The following CHN1 variants were observed in gnomAD, a reference collection of about 807,000 sequenced individuals.
CHN1 encodes chimerin 1.
In CHN1, 37 loss-of-function variants were observed where a neutral mutation model predicts 59.5. That is an observed-to-expected ratio of 0.62 (90% CI 0.48 to 0.82). The LOEUF is 0.82. Ranked by LOEUF, CHN1 falls within the 40% of genes least tolerant of loss-of-function variation. The pLI is 0.00. For synonymous variants in CHN1, 206 were observed against 200.4 expected (o/e 1.03, Z -0.24); for missense variants, 469 against 571.0 (o/e 0.82, Z 1.82).
chr2:174,861,438 T>C (rs1040481482), intron 6 of CHN1, among the ~76,000 whole-genome samples: 2 of 152,228 alleles, frequency 1.3e-5, no homozygotes, highest in African/African-American at 4.8e-5. Context: ...GCAAAATTCA[T>C]GGCACATTCG....
chr2:174,905,175 T>C (rs1219797737), intron 5 of CHN1, among the ~76,000 whole-genome samples: 1 of 152,198 alleles, frequency 6.6e-6, no homozygotes, highest in African/African-American at 2.4e-5. Context: ...ATTATCAACA[T>C]AGGCTAGGAC....
chr2:174,977,495 A>G (rs1372998946), intron 1 of CHN1, among the ~76,000 whole-genome samples: 3 of 152,246 alleles, frequency 2.0e-5, no homozygotes, highest in Non-Finnish European at 4.4e-5. Context: ...AACAGACAAC[A>G]AAGACAGTGT....
intron 1 of CHN1, among the ~76,000 whole-genome samples, chr2:174,964,115 G>A (rs1448977651): frequency 2.6e-5 from 4 of 152,186 alleles, no homozygotes; most frequent in African/African-American, 9.7e-5. Context: ...AGCAGGGAGA[G>A]AGAGGATGAA....
At chr2:174,860,721 C>T (rs1237276253) in intron 6 of CHN1, among the ~76,000 whole-genome samples, 2 of 152,034 alleles carry the variant, frequency 1.3e-5, no homozygotes, top group African/African-American at 4.8e-5. Flanking sequence ...GTATTTTTGT[C>T]CCATAATCAC....
In CHN1 at chr2:174,833,357, C is replaced by T. The variant is rs181873240; in HGVS notation, c.628-8839G>A. Among the ~76,000 whole-genome samples, 3 of 152,322 alleles carry T rather than the reference C, an allele frequency of 2.0e-5. No homozygotes were observed. The East Asian group carries it at 5.8e-4, about 29-fold the overall frequency. ...AAAATTGTGTTTAAAAAAGTACAGT[C>T]ACTCCAATTTTCTTTGAATTATTGT... On this transcript the variant is annotated intron_variant, in intron 7 of 12. Coordinates refer to ENST00000409900, the MANE Select transcript of CHN1 (RefSeq NM_001822.7).
Position 174,933,239 on chromosome 2 carries a change from A to C in CHN1, c.114+11649T>G, listed in dbSNP as rs139450484. On this transcript the variant is annotated intron_variant, in intron 3 of 12. Coordinates refer to ENST00000409900, the MANE Select transcript of CHN1 (RefSeq NM_001822.7). The stretch of plus-strand genomic sequence containing the variant: ...AAGGACTGGACATATAAAGAAATGT[A>C]AGTTACATTAAAACCTGAAACTGGT... Among the ~76,000 whole-genome samples the C allele has an allele frequency of 7.8e-4, 119 of 152,328 alleles. 1 individual carries two copies. The Middle Eastern group carries it at 0.014, about 17-fold the overall frequency.
chr2:174,915,526 A>G (rs1688821807), intron 4 of CHN1, among the ~76,000 whole-genome samples: 1 of 151,732 alleles, frequency 6.6e-6, no homozygotes, highest in Admixed American at 6.6e-5. Context: ...AAAAAAAAAA[A>G]ACGCAGAAAA....
intron 8 of CHN1, chr2:174,821,726 T>A (rs1685504007): frequency 2.2e-6 from 1 of 463,714 alleles, no homozygotes; most frequent in Non-Finnish European, 4.5e-6. Flanking sequence ...GTTGGACCCT[T>A]ACCAGACACT....
At chr2:174,955,497 C>T (rs535713066) in intron 1 of CHN1, among the ~76,000 whole-genome samples, 2 of 151,652 alleles carry the variant, frequency 1.3e-5, no homozygotes, top group South Asian at 4.2e-4. Context: ...AAAGGATGGA[C>T]GGGGAGAGGA....
chr2:174,926,202 AT>A (rs879345759), intron 3 of CHN1, among the ~76,000 whole-genome samples: 172 of 143,896 alleles, frequency 1.2e-3, no homozygotes, highest in Middle Eastern at 3.6e-3. Context: ...AACTACTTTC[AT>A]TTTTTTTTTT....
intron 6 of CHN1, among the ~76,000 whole-genome samples, chr2:174,867,913 C>T (rs890729966): frequency 1.3e-5 from 2 of 151,986 alleles, no homozygotes; most frequent in African/African-American, 4.8e-5. Context: ...TATTGTTTCT[C>T]ATAGTTTTAT....
intron 1 of CHN1, among the ~76,000 whole-genome samples, chr2:174,952,867 T>C (rs751330073): frequency 5.9e-5 from 9 of 152,130 alleles, no homozygotes; most frequent in Non-Finnish European, 1.2e-4. Context: ...TAGGAGACAG[T>C]ATAAATAGGA....
At chr2:174,863,749 GATATAGAT>G (rs1687133631) in intron 6 of CHN1, among the ~76,000 whole-genome samples, 1 of 152,100 alleles carries the variant, frequency 6.6e-6, no homozygotes, top group South Asian at 2.1e-4. Flanking sequence ...TCACACATGT[GATATAGAT>G]GTGTAGATAG....
intron 5 of CHN1, among the ~76,000 whole-genome samples, chr2:174,884,007 G>A (rs970724337): frequency 2.7e-4 from 36 of 135,074 alleles, no homozygotes; most frequent in African/African-American, 7.1e-4. Context: ...TCGCTCTGTC[G>A]CCCAGGCTGG....
chr2:174,965,112 T>C (rs1690553203), intron 1 of CHN1, among the ~76,000 whole-genome samples: 1 of 152,120 alleles, frequency 6.6e-6, no homozygotes, highest in Admixed American at 6.5e-5. Context: ...AAAGTATTCA[T>C]TTACTGACTG....
chr2:174,930,267 A>C (rs1211404263), intron 3 of CHN1, among the ~76,000 whole-genome samples: 2 of 152,234 alleles, frequency 1.3e-5, no homozygotes, highest in Non-Finnish European at 2.9e-5. Context: ...ACAAAAAAGC[A>C]AAGTGCATGA....
rs573515933 is a variant in CHN1 at position 174,938,214 on chromosome 2, T to TCATG, written c.114+6670_114+6673dup. 5.0e-3 allele frequency among the ~76,000 whole-genome samples: 758 copies of TCATG among 152,270 alleles called. 3 individuals carry two copies. Among genetic ancestry groups the TCATG allele is most frequent in the Non-Finnish European group, 8.2e-3 (556 of 68,014 alleles). On this transcript the variant is annotated intron_variant, in intron 3 of 12. Coordinates refer to ENST00000409900, the MANE Select transcript of CHN1 (RefSeq NM_001822.7). ...TTGAGTACATCTTTATCCTTACAGC[T>TCATG]CATGATTCTCAATAATCTTTAGTTC...
intron 1 of CHN1, among the ~76,000 whole-genome samples, chr2:174,967,542 T>G (rs1373285223): frequency 6.6e-6 from 1 of 152,114 alleles, no homozygotes; most frequent in Non-Finnish European, 1.5e-5. Context: ...ATTCAACAAC[T>G]TAGACTTTTA....
chr2:174,891,140 C>CAAAAAAAAAAAAAA (rs58016502), intron 5 of CHN1, among the ~76,000 whole-genome samples: 12 of 24,412 alleles, frequency 4.9e-4, no homozygotes, highest in Non-Finnish European at 9.8e-4. Flanking sequence ...GACTCCATCT[C>CAAAAAAAAAAAAAA]AAAAAAAAAA....
Sources: allele counts gnomAD v4.1 joint callset (sites outside exome capture counted in the v4.1 genomes callset), GRCh38; gene constraint gnomAD v4.1.1; transcripts MANE v1.5; gene names NCBI Gene and HGNC (gene_info 2026-07-23, HGNC 2026-07-21).